The following UNC79 variants were observed in gnomAD, a reference collection of about 807,000 sequenced individuals.
The protein encoded by UNC79 is protein unc-79 homolog.
UNC79 carries 37 observed loss-of-function variants against 283.1 expected under a neutral mutation model. That is an observed-to-expected ratio of 0.13 (90% CI 0.10 to 0.17). The LOEUF (loss-of-function observed/expected upper bound fraction) is 0.17. UNC79 is among the 10% of genes least tolerant of loss of function. The pLI is 1.00. For synonymous variants in UNC79, 1,107 were observed against 1,200.2 expected (o/e 0.92, Z 1.61); for missense variants, 2,272 against 3,211.1 (o/e 0.71, Z 7.07).
At chr14:93,694,543 A>G (rs1031245148) in intron 47 of UNC79, 131 bp downstream of exon 50, 20 of 827,216 alleles carry the variant, frequency 2.4e-5, no homozygotes, top group Middle Eastern at 3.7e-4. Context: ...TCAGGCTCCT[A>G]TAACAACCCT....
rs1470327525 is a variant in UNC79 at position 93,617,983 on chromosome 14, G to A, written c.4225-209G>A. ...GGTAGGCTGCTATGATCACGCCACA[G>A]CACTCCAACCTGGGTGACAGAGTGA... On this transcript the variant is annotated intron_variant, in intron 28 of 48. Transcript: ENST00000555664. This position sits in a 1 kb window ranked among gnomAD's most constrained non-coding sequence, Gnocchi z 4.5. Among the ~76,000 whole-genome samples, 3 of 152,088 alleles carry A rather than the reference G, an allele frequency of 2.0e-5. No individual in the cohort carries two copies. Among genetic ancestry groups the A allele is most frequent in the African/African-American group, 4.8e-5 (2 of 41,414 alleles).
intron 15 of UNC79, 48 bp from the exon 16 acceptor site, chr14:93,572,645 C>T: frequency 6.2e-7 from 1 of 1,608,912 alleles, no homozygotes; most frequent in Non-Finnish European, 8.5e-7. Flanking sequence ...ATTAGTAGAA[C>T]CCAATCTATG....
chr14:93,551,807 G>A (rs1250973507), intron 14 of UNC79, among the ~76,000 whole-genome samples: 1 of 152,182 alleles, frequency 6.6e-6, no homozygotes, highest in Non-Finnish European at 1.5e-5. Context: ...ATTCCCCTCT[G>A]AGATATTTCA....
intron 17 of UNC79, among the ~76,000 whole-genome samples, chr14:93,575,666 T>C (rs1347014502): frequency 1.3e-5 from 2 of 152,196 alleles, no homozygotes; most frequent in African/African-American, 4.8e-5. Context: ...TATTGACCCC[T>C]TTGCATCATT....
In UNC79 at chr14:93,446,792, G is replaced by A. The variant is rs544396049; in HGVS notation, c.22+15741G>A. 9.8e-4 allele frequency among the ~76,000 whole-genome samples: 149 copies of A among 152,256 alleles called. 1 individual carries two copies. Among genetic ancestry groups the A allele is most frequent in the African/African-American group, 3.4e-3 (140 of 41,558 alleles). On this transcript the variant is annotated intron_variant, in intron 1 of 48. Coordinates refer to ENST00000555664, the Ensembl canonical transcript of UNC79. ...CTATTTTTGTTAGAGAATATATTCT[G>A]TATGCTTTCAATCTTTTGACATTTA... is the stretch of plus-strand genomic sequence containing the variant.
chr14:93,346,999 C>G (rs1306841561), intron 1 of UNC79, among the ~76,000 whole-genome samples: 1 of 146,268 alleles, frequency 6.8e-6, no homozygotes, highest in African/African-American at 2.6e-5. Context: ...AGGGGTGGTG[C>G]AGAGCAAGTG....
In UNC79 at chr14:93,636,453, A is replaced by G. The variant is rs370463883; in HGVS notation, c.5717-763A>G. ...GGAGAGTCTGTGACTGTGTAGTACAATGTTAGGTGGCATGTCACTTTAAAC... is the reference window on the plus strand; with the variant it reads ...GGAGAGTCTGTGACTGTGTAGTACAGTGTTAGGTGGCATGTCACTTTAAAC... On this transcript the variant is annotated intron_variant, in intron 31 of 48. Coordinates refer to ENST00000555664, the Ensembl canonical transcript of UNC79. Among the ~76,000 whole-genome samples the G allele has an allele frequency of 7.9e-5, 12 of 152,248 alleles. No homozygotes were observed. In the East Asian group the frequency reaches 1.2e-3, roughly 15 times the overall value.
rs1178677424 is a variant in UNC79 at position 93,344,349 on chromosome 14, GT to G, written c.-351+10829del. The stretch of plus-strand genomic sequence containing the variant: ...AGCAATAGAAATGCAGCACCACCTA[GT>G]TTAAGCCCAAAGCAGGATTTATCAT... On this transcript the variant is annotated intron_variant, in intron 1 of 49. Transcript: ENST00000256339. Among the ~76,000 whole-genome samples, 4 of 152,168 alleles carry G rather than the reference GT, an allele frequency of 2.6e-5. No individual in the cohort carries two copies. The South Asian group carries it at 8.3e-4, about 32-fold the overall frequency.
intron 16 of UNC79, among the ~76,000 whole-genome samples, chr14:93,573,909 C>T (rs978761949): frequency 6.6e-6 from 1 of 152,102 alleles, no homozygotes; most frequent in Non-Finnish European, 1.5e-5. Flanking sequence ...GGAGGCCGAG[C>T]CGGGAGAATC....
chr14:93,422,604 G>T (rs1193101554), intron 1 of UNC79, among the ~76,000 whole-genome samples: 1 of 151,798 alleles, frequency 6.6e-6, no homozygotes, highest in Non-Finnish European at 1.5e-5. Flanking sequence ...TGGTTGGGGG[G>T]GCCTTAGAAT....
chr14:93,591,396 A>T (rs1478276395), intron 22 of UNC79, among the ~76,000 whole-genome samples: 1 of 152,190 alleles, frequency 6.6e-6, no homozygotes, highest in African/African-American at 2.4e-5. Flanking sequence ...CTTAACCTCT[A>T]ATAGCTTACT....
exon 14 of UNC79, chr14:93,542,648 C>G (rs367698889): frequency 7.4e-6 from 12 of 1,614,074 alleles, no homozygotes; most frequent in Non-Finnish European, 9.3e-6. Flanking sequence ...ATGTTCGCTT[C>G]GATGTCATGG....
chr14:93,344,087 G>A (rs1162582510), intron 1 of UNC79, among the ~76,000 whole-genome samples: 4 of 152,110 alleles, frequency 2.6e-5, no homozygotes, highest in East Asian at 1.9e-4. Context: ...CACCACTGTC[G>A]AAAGTGTTTT....
intron 10 of UNC79, among the ~76,000 whole-genome samples, 187 bp downstream of exon 10, chr14:93,529,513 G>A (rs867819149): frequency 3.3e-5 from 5 of 152,070 alleles, no homozygotes; most frequent in South Asian, 2.1e-4. Context: ...TTAATAATGC[G>A]GGAAGTAGTA....
intron 26 of UNC79, among the ~76,000 whole-genome samples, chr14:93,605,915 G>T (rs1177797460): frequency 6.6e-6 from 1 of 152,128 alleles, no homozygotes. Flanking sequence ...CAAACATTTG[G>T]TAGAGCCCCT....
At chr14:93,502,824 C>T (rs1012887255) in intron 7 of UNC79, among the ~76,000 whole-genome samples, 1 of 152,188 alleles carries the variant, frequency 6.6e-6, no homozygotes, top group Non-Finnish European at 1.5e-5. Context: ...CAAGACAGTA[C>T]TACAAGGTGA....
At chr14:93,583,926 C>T (rs1310958662) in intron 20 of UNC79, among the ~76,000 whole-genome samples, 1 of 152,124 alleles carries the variant, frequency 6.6e-6, no homozygotes, top group Admixed American at 6.5e-5. Context: ...CCACCTCAGC[C>T]TCCAGAGTAG....
chr14:93,422,241 G>C (rs940532943), intron 1 of UNC79, among the ~76,000 whole-genome samples: 4 of 151,752 alleles, frequency 2.6e-5, no homozygotes, highest in Non-Finnish European at 5.9e-5. Context: ...CCAGGTTGTA[G>C]GAAGATTTAA....
At chr14:93,437,832 T>C (rs6575335) in intron 1 of UNC79, among the ~76,000 whole-genome samples, 105,554 of 151,992 alleles carry the variant, frequency 0.69, 37,061 homozygotes, top group Middle Eastern at 0.77. Context: ...CTTCCTCTTA[T>C]AAACACACGT....
Sources: allele counts gnomAD v4.1 joint callset (sites outside exome capture counted in the v4.1 genomes callset), GRCh38; gene constraint gnomAD v4.1.1; non-coding constraint Gnocchi (gnomAD v3.1); transcripts MANE v1.5; gene names NCBI Gene and HGNC (gene_info 2026-07-23, HGNC 2026-07-21).